Variants in LINGO1 observed in about 807,000 individuals in gnomAD.
The protein encoded by LINGO1 is leucine-rich repeat and immunoglobulin-like domain-containing nogo receptor-interacting protein 1.
LINGO1 carries 11 observed loss-of-function variants against 37.3 expected under a neutral mutation model. The observed-to-expected ratio is 0.29, with a 90% CI of 0.19 to 0.49. The LOEUF is 0.49. Ranked by LOEUF, LINGO1 falls within the 20% of genes least tolerant of loss-of-function variation. The probability of loss-of-function intolerance (pLI) is 0.99; values close to 1 mark genes in which losing one functional copy is unlikely to be tolerated. For synonymous variants in LINGO1, 387 were observed against 403.0 expected (o/e 0.96, Z 0.48); for missense variants, 585 against 878.2 (o/e 0.67, Z 4.22).
At chr15:77,685,816 T>C (rs1303275137) in intron 2 of LINGO1, among the ~76,000 whole-genome samples, 1 of 151,920 alleles carries the variant, frequency 6.6e-6, no homozygotes, top group East Asian at 1.9e-4. Context: ...ACAACACTGC[T>C]CTCCATTCTG....
intron 3 of LINGO1, chr15:77,646,524 G>T: frequency 2.2e-6 from 1 of 444,876 alleles, no homozygotes; most frequent in Non-Finnish European, 4.5e-6. Context: ...AAGTCTGTAA[G>T]CAGGTGTGGC....
intron 3 of LINGO1, among the ~76,000 whole-genome samples, chr15:77,667,468 G>C (rs1003899889): frequency 6.6e-6 from 1 of 152,184 alleles, no homozygotes; most frequent in African/African-American, 2.4e-5. Flanking sequence ...TGTGAGATGA[G>C]GGGTGCTCTC....
chr15:77,811,436 C>A (rs1241044297), intron 1 of LINGO1, among the ~76,000 whole-genome samples: 4 of 152,178 alleles, frequency 2.6e-5, no homozygotes, highest in African/African-American at 9.7e-5. Flanking sequence ...CCCTCCCCTG[C>A]CTCTCCTGTG....
intron 1 of LINGO1, among the ~76,000 whole-genome samples, chr15:77,695,299 C>T (rs1458860286): frequency 6.6e-6 from 1 of 151,796 alleles, no homozygotes; most frequent in Non-Finnish European, 1.5e-5. Context: ...CAGGGGGTGG[C>T]AGAGAGAGGC....
upstream of LINGO1, among the ~76,000 whole-genome samples, chr15:77,638,893 T>C (rs769602653): frequency 8.5e-5 from 13 of 152,154 alleles, no homozygotes; most frequent in Non-Finnish European, 1.9e-4. Context: ...GGACCCACTT[T>C]TAGTGAACAG....
At chr15:77,747,503 A>G (rs1451998182) in intron 1 of LINGO1, among the ~76,000 whole-genome samples, 1 of 152,242 alleles carries the variant, frequency 6.6e-6, no homozygotes, top group Non-Finnish European at 1.5e-5. Context: ...CTAGAAGAGC[A>G]GAGCTCAGGC....
chr15:77,776,530 G>GAGGA (rs2076653552), intron 1 of LINGO1, among the ~76,000 whole-genome samples: 66 of 34,522 alleles, frequency 1.9e-3, no homozygotes, highest in African/African-American at 7.1e-3. Context: ...GGGAGGAAGG[G>GAGGA]AGGGAGGGAG....
intron 3 of LINGO1, among the ~76,000 whole-genome samples, chr15:77,659,035 G>A (rs1230142368): frequency 6.6e-6 from 1 of 152,204 alleles, no homozygotes; most frequent in South Asian, 2.1e-4. Flanking sequence ...ATTCATTAAG[G>A]TTGGAGCCCT....
chr15:77,699,687 C>A (rs997474912), upstream of LINGO1, among the ~76,000 whole-genome samples: 3 of 152,268 alleles, frequency 2.0e-5, no homozygotes, highest in African/African-American at 4.8e-5. Flanking sequence ...CATCTGCACA[C>A]AGTAAGCACA....
At chr15:77,791,337 G>T (rs922084469), upstream of LINGO1, among the ~76,000 whole-genome samples, 1 of 152,084 alleles carries the variant, frequency 6.6e-6, no homozygotes, top group Non-Finnish European at 1.5e-5. Context: ...ATGAGGCCTG[G>T]GGGAACAGGC....
intron 2 of LINGO1, among the ~76,000 whole-genome samples, chr15:77,678,093 C>T (rs146193579): frequency 1.1e-3 from 163 of 152,364 alleles, no homozygotes; most frequent in African/African-American, 3.7e-3. Context: ...GCCATCCTCA[C>T]CGTGTCTCAC....
At chr15:77,790,600 C>T (rs1351988415), upstream of LINGO1, among the ~76,000 whole-genome samples, 1 of 152,122 alleles carries the variant, frequency 6.6e-6, no homozygotes, top group African/African-American at 2.4e-5. Context: ...GAGAACAATG[C>T]CCTGGGGAGG....
At chr15:77,633,381 C>T (rs949808595), upstream of LINGO1, among the ~76,000 whole-genome samples, 2 of 152,356 alleles carry the variant, frequency 1.3e-5, no homozygotes, top group Admixed American at 1.3e-4. Flanking sequence ...GACAGGGCTC[C>T]CTACACGAAC....
rs183504003 is a variant in LINGO1, at chr15:77,723,802, C to A, written c.-195+11190G>T. ...AACGACCCCAGCCCCAGCTGGGGGG[C>A]ATCAGGGGAAAGTGGCACAGGTGGG... On this transcript the variant is annotated intron_variant, in intron 2 of 3. Transcript: ENST00000561686. Among the ~76,000 whole-genome samples the A allele has an allele frequency of 1.5e-4, 23 of 152,132 alleles. No homozygotes were observed. The East Asian group carries it at 4.3e-3, about 28-fold the overall frequency.
intron 3 of LINGO1, among the ~76,000 whole-genome samples, chr15:77,655,437 T>TA: frequency 6.6e-6 from 1 of 152,026 alleles, no homozygotes; most frequent in African/African-American, 2.4e-5. Context: ...TCCCCAAACA[T>TA]AGACACGCTG....
intron 1 of LINGO1, among the ~76,000 whole-genome samples, chr15:77,695,391 C>A (rs1251761103): frequency 6.6e-6 from 1 of 152,114 alleles, no homozygotes; most frequent in African/African-American, 2.4e-5. Context: ...GACATGGGAA[C>A]CCTGCAGGGG....
rs375745016 is a variant in LINGO1, at chr15:77,613,571, A to AGAG, written c.*470_*472dup. 1,002 of 161,540 alleles carry AGAG rather than the reference A, an allele frequency of 6.2e-3. 10 individuals are homozygous for AGAG. The highest frequency in any genetic ancestry group is 0.023 in the African/African-American group (962 of 41,650). 10.0% of individuals were successfully genotyped at this position (161,540 alleles called of 1,614,324 possible). On this transcript the variant is annotated 3_prime_UTR_variant, in exon 2 of 2. Transcript: ENST00000355300. ...GGGAAGAGAAGAGAAAGGAGGAAGA[A>AGAG]GAGGAGGAGGAGGAAGAGAAAAACA...
upstream of LINGO1, among the ~76,000 whole-genome samples, chr15:77,635,639 A>G (rs1348095262): frequency 6.9e-6 from 1 of 145,494 alleles, no homozygotes; most frequent in East Asian, 1.9e-4. Context: ...TGCCTGCTGG[A>G]CCACCCTGGT....
intron 3 of LINGO1, among the ~76,000 whole-genome samples, chr15:77,642,735 C>G (rs576720693): frequency 6.6e-6 from 1 of 152,160 alleles, no homozygotes; most frequent in Admixed American, 6.5e-5. Context: ...TCTCCGGGTC[C>G]GGAAATCCCC....
Sources: allele counts gnomAD v4.1 joint callset (sites outside exome capture counted in the v4.1 genomes callset), GRCh38; gene constraint gnomAD v4.1.1; transcripts MANE v1.5; gene names NCBI Gene and HGNC (gene_info 2026-07-23, HGNC 2026-07-21).